Variants in COL22A1 observed in about 807,000 individuals in gnomAD.
COL22A1 encodes the protein collagen type XXII alpha 1 chain, also known as collagen alpha-1(XXII) chain.
A neutral mutation model predicts 248.9 loss-of-function variants in COL22A1; 221 were observed. The observed-to-expected ratio is 0.89, with a 90% CI of 0.80 to 0.99. The LOEUF (loss-of-function observed/expected upper bound fraction) is 0.99. Among genes scored for constraint, COL22A1 ranks in the 50% least tolerant of loss-of-function variants. COL22A1 has a pLI of 0.00. For missense variants in COL22A1, 2,240 were observed against 2,179.0 expected (o/e 1.03, Z -0.56); for synonymous variants, 891 against 793.4 (o/e 1.12, Z -2.07).
intron 3 of COL22A1, 36 bp from the exon 4 acceptor site, chr8:138,844,194 A>C: frequency 6.3e-7 from 1 of 1,591,140 alleles, no homozygotes; most frequent in South Asian, 1.1e-5. Flanking sequence ...ACTGATGAGA[A>C]AATGTGACCC....
chr8:138,875,272 G>A (rs373998251), intron 3 of COL22A1, among the ~76,000 whole-genome samples: 4 of 152,228 alleles, frequency 2.6e-5, no homozygotes, highest in African/African-American at 9.6e-5. Flanking sequence ...GGAGTCTGAA[G>A]GCCTGGGTTC....
chr8:138,686,774 C>T (rs904951361), intron 37 of COL22A1, among the ~76,000 whole-genome samples: 21 of 152,176 alleles, frequency 1.4e-4, no homozygotes, highest in African/African-American at 5.1e-4. Context: ...AGGCCATCCC[C>T]TTCCAGGTTA....
intron 4 of COL22A1, among the ~76,000 whole-genome samples, chr8:138,838,386 G>A (rs1020229568): frequency 5.9e-5 from 9 of 152,154 alleles, no homozygotes; most frequent in East Asian, 5.8e-4. Context: ...GAATCTGGGC[G>A]GACACGTGCC....
chr8:138,663,350 C>T lies in COL22A1; in HGVS notation c.3186+355G>A, dbSNP rs373252348. The stretch of plus-strand genomic sequence containing the variant: ...ATTAAGAGCAATCCCCATGTTGGCT[C>T]ACTGCTGTGTGGTTGGGATTGGTGA... On this transcript the variant is annotated intron_variant, in intron 42 of 64. Coordinates refer to ENST00000303045, the MANE Select transcript of COL22A1 (RefSeq NM_152888.3). Among the ~76,000 whole-genome samples, 26 of 152,292 alleles carry T rather than the reference C, an allele frequency of 1.7e-4. No individual in the cohort carries two copies. In the South Asian group the frequency reaches 5.2e-3, roughly 30 times the overall value.
chr8:138,744,968 G>T (rs969482350), intron 22 of COL22A1, among the ~76,000 whole-genome samples: 2 of 152,120 alleles, frequency 1.3e-5, no homozygotes, highest in African/African-American at 4.8e-5. Flanking sequence ...GAAACCAGAA[G>T]ATACTGAGAA....
chr8:138,753,283 C>T (rs7009274), intron 21 of COL22A1, among the ~76,000 whole-genome samples: 121,440 of 152,172 alleles, frequency 0.8, 48,657 homozygotes, highest in East Asian at 0.97. Flanking sequence ...GATTGAGAGA[C>T]GGGAGAGATG....
intron 37 of COL22A1, among the ~76,000 whole-genome samples, chr8:138,686,897 CTTCTT>C (rs1224780033): frequency 6.6e-6 from 1 of 152,114 alleles, no homozygotes; most frequent in Admixed American, 6.5e-5. Flanking sequence ...ATGGCATTAT[CTTCTT>C]TTCAAAAAAT....
intron 7 of COL22A1, among the ~76,000 whole-genome samples, 198 bp from the exon 8 acceptor site, chr8:138,813,217 C>CT (rs1213821150): frequency 1.3e-5 from 2 of 152,178 alleles, no homozygotes; most frequent in Non-Finnish European, 2.9e-5. Flanking sequence ...GCTCACACCC[C>CT]TGATCTGGCT....
rs112948163 is a variant in COL22A1, at chr8:138,690,769, A to G, written c.2808+52T>C. 3,133 of 1,479,428 alleles carry G rather than the reference A, an allele frequency of 2.1e-3. 60 individuals carry two copies. In the African/African-American group the frequency reaches 0.039, roughly 18 times the overall value. The allele number at this position is 1,479,428 out of a possible 1,614,324, so 91.6% of individuals were successfully genotyped here. A position where few individuals can be genotyped will look rare whatever the true frequency, so the allele number is the denominator to read the frequency against. On this transcript the variant is annotated intron_variant, in intron 36 of 64. Coordinates refer to ENST00000303045, the MANE Select transcript of COL22A1 (RefSeq NM_152888.3). Reference sequence around the variant, plus strand: ...CGCCTCTGGCTTTTGGGGAGGATACATTAACTAGCTTGGTGGCTGGGCCGT... The same window carrying G: ...CGCCTCTGGCTTTTGGGGAGGATACGTTAACTAGCTTGGTGGCTGGGCCGT...
intron 56 of COL22A1, among the ~76,000 whole-genome samples, chr8:138,613,019 C>T (rs796798125): frequency 4.8e-5 from 7 of 145,070 alleles, no homozygotes; most frequent in Admixed American, 1.4e-4. Context: ...GAGGGCGAGG[C>T]GGGCAGATTA....
intron 63 of COL22A1, 129 bp downstream of exon 63, chr8:138,593,888 C>T: frequency 1.5e-6 from 1 of 662,500 alleles, no homozygotes; most frequent in East Asian, 3.2e-5. Flanking sequence ...GATGCCAAAA[C>T]TCTGGGTGTT....
intron 12 of COL22A1, among the ~76,000 whole-genome samples, chr8:138,782,385 T>G (rs528003839): frequency 6.6e-6 from 1 of 152,324 alleles, no homozygotes; most frequent in Admixed American, 6.5e-5. Context: ...ATCTGGCGAA[T>G]TTTTGTATTT....
intron 22 of COL22A1, among the ~76,000 whole-genome samples, chr8:138,742,294 G>A (rs1831657277): frequency 1.3e-5 from 2 of 151,674 alleles, no homozygotes; most frequent in Admixed American, 1.3e-4. Context: ...TGGTGATGGT[G>A]GTAGTGATTG....
At chr8:138,699,227 G>T (rs925941567) in intron 32 of COL22A1, among the ~76,000 whole-genome samples, 1 of 152,130 alleles carries the variant, frequency 6.6e-6, no homozygotes, top group Non-Finnish European at 1.5e-5. Context: ...TGCTTCCCAA[G>T]CACAAAATCC....
At chr8:138,717,017 C>T in intron 27 of COL22A1, 148 bp from the exon 28 acceptor site, 1 of 670,628 alleles carries the variant, frequency 1.5e-6, no homozygotes, top group Non-Finnish European at 2.7e-6. Context: ...GCCCAAGAGT[C>T]ATGGGCTCTG....
At chr8:138,767,833 C>T (rs1342888419) in intron 16 of COL22A1, among the ~76,000 whole-genome samples, 1 of 152,240 alleles carries the variant, frequency 6.6e-6, no homozygotes, top group Non-Finnish European at 1.5e-5. Context: ...CGCCGGCTGC[C>T]CGTGCCTGAC....
chr8:138,612,985 A>G (rs918013256), intron 56 of COL22A1, among the ~76,000 whole-genome samples: 1 of 147,484 alleles, frequency 6.8e-6, no homozygotes, highest in Non-Finnish European at 1.5e-5. Context: ...ACGGTGGCTT[A>G]CGCCTGTAAT....
At chr8:138,835,637 C>T (rs1024768299) in intron 4 of COL22A1, among the ~76,000 whole-genome samples, 1 of 152,172 alleles carries the variant, frequency 6.6e-6, no homozygotes, top group Non-Finnish European at 1.5e-5. Flanking sequence ...TCAAACTGAA[C>T]ATAGGGCCTC....
intron 23 of COL22A1, among the ~76,000 whole-genome samples, chr8:138,727,233 T>C (rs1830385602): frequency 6.6e-6 from 1 of 152,048 alleles, no homozygotes; most frequent in Non-Finnish European, 1.5e-5. Flanking sequence ...CTTTTCTAGC[T>C]CAGGTTTCTC....
Sources: allele counts gnomAD v4.1 joint callset (sites outside exome capture counted in the v4.1 genomes callset), GRCh38; gene constraint gnomAD v4.1.1; transcripts MANE v1.5; gene names NCBI Gene and HGNC (gene_info 2026-07-23, HGNC 2026-07-21).